The following HEATR5A variants were observed in gnomAD, a reference collection of about 807,000 sequenced individuals.
HEATR5A encodes the protein HEAT repeat containing 5A.
In HEATR5A, 178 loss-of-function variants were observed where a neutral mutation model predicts 218.8. The observed-to-expected ratio is 0.81, with a 90% CI of 0.72 to 0.92. HEATR5A has a LOEUF of 0.92. Among genes scored for constraint, HEATR5A ranks in the 40% least tolerant of loss-of-function variants. The pLI, the probability that HEATR5A is intolerant of heterozygous loss-of-function variation, is 0.00. For missense variants in HEATR5A, 2,420 were observed against 2,418.9 expected (o/e 1.00, Z -0.01); for synonymous variants, 864 against 871.6 (o/e 0.99, Z 0.15).
chr14:31,324,317 G>A (rs1318260323), intron 23 of HEATR5A, among the ~76,000 whole-genome samples: 4 of 152,182 alleles, frequency 2.6e-5, no homozygotes, highest in Non-Finnish European at 5.9e-5. Flanking sequence ...TATCAAAGGT[G>A]TAATGATAGC....
chr14:31,328,026 G>A (rs1251738988), intron 22 of HEATR5A, among the ~76,000 whole-genome samples: 1 of 152,136 alleles, frequency 6.6e-6, no homozygotes, highest in Non-Finnish European at 1.5e-5. Context: ...CAATCTCACT[G>A]CAATCTCTGC....
chr14:31,299,214 C>T (rs570336522), intron 33 of HEATR5A, among the ~76,000 whole-genome samples: 4 of 152,162 alleles, frequency 2.6e-5, no homozygotes, highest in Admixed American at 1.3e-4. Context: ...TAATCACATT[C>T]GAGTGTTCAA....
At chr14:31,393,995 A>AT in intron 6 of HEATR5A, 57 bp downstream of exon 6, 1 of 1,165,602 alleles carries the variant, frequency 8.6e-7, no homozygotes, top group Non-Finnish European at 1.2e-6. Context: ...ATATTTGTTT[A>AT]TATCAACTGG....
chr14:31,310,658 ATAAG>A (rs1378413496), intron 28 of HEATR5A, among the ~76,000 whole-genome samples: 8 of 152,032 alleles, frequency 5.3e-5, no homozygotes, highest in African/African-American at 1.7e-4. Flanking sequence ...AAATAAATAA[ATAAG>A]TAAATAAATA....
chr14:31,389,049 A>T, intron 6 of HEATR5A, 44 bp from the exon 7 acceptor site: 1 of 1,490,642 alleles, frequency 6.7e-7, no homozygotes, highest in Non-Finnish European at 9.1e-7. Context: ...TACAGACTAA[A>T]TTTTAATGTA....
intron 10 of HEATR5A, among the ~76,000 whole-genome samples, chr14:31,382,974 A>G (rs1403901569): frequency 6.6e-6 from 1 of 151,820 alleles, no homozygotes; most frequent in Non-Finnish European, 1.5e-5. Context: ...GAAACTAGCC[A>G]TTGCTCCATA....
At chr14:31,360,029 T>G (rs151086415) in intron 14 of HEATR5A, among the ~76,000 whole-genome samples, 61 of 135,546 alleles carry the variant, frequency 4.5e-4, no homozygotes, top group African/African-American at 1.6e-3. Flanking sequence ...AACATAATCC[T>G]GCTATCATAA....
At chr14:31,407,446 T>C (rs953362376) in intron 1 of HEATR5A, among the ~76,000 whole-genome samples, 1 of 152,182 alleles carries the variant, frequency 6.6e-6, no homozygotes, top group Non-Finnish European at 1.5e-5. Flanking sequence ...TAGGTTAATG[T>C]ATATTATGAC....
At chr14:31,334,344 G>T in intron 22 of HEATR5A, 1 of 447,078 alleles carries the variant, frequency 2.2e-6, no homozygotes, top group South Asian at 1.6e-5. Context: ...TAAGGCTACA[G>T]CTGCCACAGA....
At chr14:31,293,865 A>G in intron 35 of HEATR5A, 26 bp downstream of exon 35, 1 of 1,540,026 alleles carries the variant, frequency 6.5e-7, no homozygotes, top group Non-Finnish European at 8.9e-7. Flanking sequence ...GTTGAGACTG[A>G]GTATGAATTT....
chr14:31,406,465 G>A (rs1489355617), intron 1 of HEATR5A, among the ~76,000 whole-genome samples: 1 of 152,116 alleles, frequency 6.6e-6, no homozygotes, highest in Non-Finnish European at 1.5e-5. Flanking sequence ...TGAATAATCT[G>A]CCAAATTGTC....
At chr14:31,320,257 C>G (rs1900048391) in intron 25 of HEATR5A, 1 of 701,272 alleles carries the variant, frequency 1.4e-6, no homozygotes, top group African/African-American at 1.8e-5. Flanking sequence ...AGGAGATCAT[C>G]AAACAGAAGA....
intron 1 of HEATR5A, among the ~76,000 whole-genome samples, chr14:31,407,837 A>G (rs1302527691): frequency 6.6e-6 from 1 of 152,158 alleles, no homozygotes; most frequent in Non-Finnish European, 1.5e-5. Flanking sequence ...CATGTTGGTC[A>G]GGCTGGTCTC....
intron 5 of HEATR5A, 86 bp from the exon 6 acceptor site, chr14:31,394,312 G>T: frequency 1.5e-6 from 1 of 677,524 alleles, no homozygotes; most frequent in Non-Finnish European, 2.3e-6. Context: ...AACTATCAGC[G>T]TCTAACAAAT....
rs2030932732 is a variant in HEATR5A, at chr14:31,402,943, T to C, written c.33A>G (p.Glu11=). MELAHSLLLN[E]EAYNQLGEVQ... is the part of the protein sequence containing the mutation. ...CTTCACCTAGTTGATTGTATGCTTC[T>C]TCATTCAGCAGTAAGCTATGAGCTA... is the stretch of plus-strand genomic sequence containing the variant. The change falls in exon 2 of 36, where the codon GAA becomes GAG. Residue 11 remains glutamate (E), a synonymous_variant. Coordinates refer to ENST00000543095, the MANE Select transcript of HEATR5A (RefSeq NM_015473.4). The C allele has an allele frequency of 6.5e-7, 1 of 1,536,044 alleles. No individual in the cohort carries two copies. The highest frequency in any genetic ancestry group is 8.7e-7 in the Non-Finnish European group (1 of 1,146,800).
intron 28 of HEATR5A, among the ~76,000 whole-genome samples, chr14:31,311,555 G>C (rs1288398730): frequency 1.3e-5 from 2 of 151,822 alleles, no homozygotes; most frequent in Non-Finnish European, 1.5e-5. Flanking sequence ...GGGACTATAG[G>C]TGTACTACAT....
chr14:31,305,291 C>T, intron 31 of HEATR5A, 114 bp from the exon 32 acceptor site: 4 of 1,070,720 alleles, frequency 3.7e-6, no homozygotes, highest in Non-Finnish European at 4.0e-6. Context: ...GAGACAGAGT[C>T]TCGCTCTGTC....
chr14:31,317,413 C>T (rs1405585073), intron 26 of HEATR5A, among the ~76,000 whole-genome samples: 3 of 149,916 alleles, frequency 2.0e-5, no homozygotes, highest in Non-Finnish European at 3.0e-5. Flanking sequence ...TTCAAGTGAT[C>T]CTCCCACCTC....
intron 28 of HEATR5A, among the ~76,000 whole-genome samples, chr14:31,312,367 G>GACA (rs1899782994): frequency 6.6e-6 from 1 of 150,432 alleles, no homozygotes; most frequent in Admixed American, 6.6e-5. Context: ...TATTAAGTAT[G>GACA]ATAATACAGT....
Sources: allele counts gnomAD v4.1 joint callset (sites outside exome capture counted in the v4.1 genomes callset), GRCh38; gene constraint gnomAD v4.1.1; transcripts MANE v1.5; gene names NCBI Gene and HGNC (gene_info 2026-07-23, HGNC 2026-07-21).